ADGB: variants seen among roughly 807,000 people sequenced by gnomAD.
The protein encoded by ADGB is androglobin.
A neutral mutation model predicts 210.5 loss-of-function variants in ADGB; 172 were observed. The ratio of observed to expected loss-of-function variants is 0.82; its 90% CI spans 0.72 to 0.93. The LOEUF is 0.93. ADGB is among the 40% of genes least tolerant of loss of function. ADGB has a pLI of 0.00. For synonymous variants in ADGB, 658 were observed against 662.7 expected (o/e 0.99, Z 0.11); for missense variants, 2,025 against 1,964.8 (o/e 1.03, Z -0.58).
intron 9 of ADGB, among the ~76,000 whole-genome samples, chr6:146,676,952 G>A (rs933153528): frequency 6.6e-6 from 1 of 152,068 alleles, no homozygotes; most frequent in Non-Finnish European, 1.5e-5. Context: ...ATTGTGACTG[G>A]GTGGATGTAC....
chr6:146,738,400 T>C (rs1208334028), intron 23 of ADGB, among the ~76,000 whole-genome samples: 1 of 151,566 alleles, frequency 6.6e-6, no homozygotes, highest in Non-Finnish European at 1.5e-5. Context: ...ATTTATGATT[T>C]AGTCTTAAGA....
rs769214209 is a variant in ADGB, at chr6:146,691,154, C to T, written c.1350C>T (p.Ser450=). 3.2e-6 allele frequency: 5 copies of T among 1,546,490 alleles called. No homozygotes were observed. In the African/African-American group the frequency reaches 6.9e-5, roughly 21 times the overall value. The change falls in exon 11 of 36, where the codon TCC becomes TCT. Residue 450 remains serine, a synonymous_variant. Transcript: ENST00000397944. The part of the protein sequence containing the change: ...SAEKLREYGL[S]HICSHPVLVT... ...AGAAACTTAGAGAATATGGGCTTTCCCACATCTGTAGCCATCCTGTGCTGG... is the reference window on the plus strand; with the variant it reads ...AGAAACTTAGAGAATATGGGCTTTCTCACATCTGTAGCCATCCTGTGCTGG...
Position 146,741,349 on chromosome 6 carries a change from G to A in ADGB, c.3177+78G>A, listed in dbSNP as rs145287930. The A allele has an allele frequency of 6.6e-5, 90 of 1,366,992 alleles. No individual in the cohort carries two copies. In the East Asian group the frequency reaches 2.3e-3, roughly 35 times the overall value. The allele number at this position is 1,366,992 out of a possible 1,614,324, so 84.7% of individuals were successfully genotyped here. On this transcript the variant is annotated intron_variant, in intron 25 of 35. Coordinates refer to ENST00000397944, the MANE Select transcript of ADGB (RefSeq NM_024694.4). ...CAGCTTGTAGAGGGTCCTGAAGGGA[G>A]GGTAGAGTTGTTTTTAATCTACTTA...
At position 146,724,191 on chromosome 6, in the gene ADGB, A is replaced by G. The variant is rs1169637152; in HGVS notation, c.2101A>G (p.Thr701Ala). Reference protein sequence around the residue: ...LVRWGEYGALTKDSPPIEPGL... With the variant: ...LVRWGEYGALAKDSPPIEPGL... ...CCTTTTTACTTATCTTAAAGCCTTA[A>G]CAAAAGACAGTCCTCCCATAGAGCC... Residue 701 changes from threonine (T) to alanine (A), a missense_variant, in exon 18 of 36, where the codon ACA becomes GCA. Coordinates refer to ENST00000397944, the MANE Select transcript of ADGB (RefSeq NM_024694.4). The G allele has an allele frequency of 1.9e-6, 3 of 1,547,448 alleles. No individual in the cohort carries two copies. The highest frequency in any genetic ancestry group is 2.4e-5 in the East Asian group (1 of 40,822).
At chr6:146,716,193 C>G (rs185467290) in intron 14 of ADGB, among the ~76,000 whole-genome samples, 13 of 152,170 alleles carry the variant, frequency 8.5e-5, no homozygotes, top group Admixed American at 5.9e-4. Flanking sequence ...TTTTCATTTC[C>G]CTTTCTGTTG....
At position 146,646,457 on chromosome 6, in the gene ADGB, T is replaced by C. The variant is rs575843745; in HGVS notation, c.330+1592T>C. Among the ~76,000 whole-genome samples, 18 of 152,152 alleles carry C rather than the reference T, an allele frequency of 1.2e-4. No individual in the cohort carries two copies. In the South Asian group the frequency reaches 1.2e-3, roughly 11 times the overall value. On this transcript the variant is annotated intron_variant, in intron 3 of 35. Transcript: ENST00000397944. The stretch of plus-strand genomic sequence containing the variant: ...GTAATATAAGAGCCCCAAACTAAAG[T>C]CAAAAAGCAAGGTTACAAAACTGAC...
At chr6:146,650,306 A>G (rs1422327646) in intron 3 of ADGB, among the ~76,000 whole-genome samples, 2 of 152,300 alleles carry the variant, frequency 1.3e-5, no homozygotes, top group African/African-American at 2.4e-5. Context: ...CCTTGAAATC[A>G]TAAGTTTTAT....
At chr6:146,760,794 T>C (rs1035626117) in intron 27 of ADGB, among the ~76,000 whole-genome samples, 7 of 151,976 alleles carry the variant, frequency 4.6e-5, no homozygotes, top group African/African-American at 4.8e-5. Context: ...TCCATCATTC[T>C]AGCTTATATA....
chr6:146,766,064 GT>G (rs1777569121), intron 28 of ADGB, among the ~76,000 whole-genome samples: 1 of 151,956 alleles, frequency 6.6e-6, no homozygotes, highest in African/African-American at 2.4e-5. Context: ...CAGACAATGG[GT>G]TAAAAAAATA....
intron 30 of ADGB, among the ~76,000 whole-genome samples, chr6:146,783,502 T>C (rs1053107628): frequency 1.3e-5 from 2 of 152,200 alleles, no homozygotes; most frequent in Admixed American, 6.5e-5. Flanking sequence ...AAGTCTCTGA[T>C]AAATTCATGT....
intron 8 of ADGB, among the ~76,000 whole-genome samples, chr6:146,674,532 C>T (rs1217448651): frequency 6.6e-6 from 1 of 152,090 alleles, no homozygotes; most frequent in African/African-American, 2.4e-5. Flanking sequence ...AGAGTGGATA[C>T]AGGTGTAGGT....
At chr6:146,626,695 A>T (rs1049094662) in intron 1 of ADGB, among the ~76,000 whole-genome samples, 2 of 150,954 alleles carry the variant, frequency 1.3e-5, no homozygotes, top group Admixed American at 6.6e-5. Context: ...TGCTTTTAAA[A>T]TTTTTTTACC....
At chr6:146,674,088 A>G (rs543655820) in intron 8 of ADGB, among the ~76,000 whole-genome samples, 3 of 152,334 alleles carry the variant, frequency 2.0e-5, no homozygotes, top group African/African-American at 7.2e-5. Flanking sequence ...CAGAGATTGT[A>G]TTAAATATTG....
intron 20 of ADGB, among the ~76,000 whole-genome samples, chr6:146,729,267 C>T (rs1396738897): frequency 2.0e-5 from 3 of 152,194 alleles, no homozygotes; most frequent in Non-Finnish European, 4.4e-5. Context: ...GGGCTTAGGT[C>T]TGGCTTTTTA....
At chr6:146,622,674 C>A (rs536914768) in intron 1 of ADGB, among the ~76,000 whole-genome samples, 17 of 152,064 alleles carry the variant, frequency 1.1e-4, no homozygotes, top group East Asian at 3.9e-4. Flanking sequence ...CAGTTTGTGG[C>A]AGTCTTTTTA....
At chr6:146,724,057 C>T (rs1200537160) in intron 17 of ADGB, 129 bp from the exon 18 acceptor site, 1 of 760,094 alleles carries the variant, frequency 1.3e-6, no homozygotes, top group East Asian at 3.2e-5. Context: ...GTTTTATGAA[C>T]ATTTTAGTAA....
intron 35 of ADGB, among the ~76,000 whole-genome samples, chr6:146,814,777 A>G (rs369965310): frequency 3.3e-5 from 5 of 152,010 alleles, no homozygotes; most frequent in South Asian, 4.2e-4. Flanking sequence ...ACCTTTGGGG[A>G]AAAAAAAGTA....
intron 11 of ADGB, among the ~76,000 whole-genome samples, chr6:146,692,375 T>G (rs1484235408): frequency 2.0e-5 from 3 of 152,186 alleles, no homozygotes; most frequent in Non-Finnish European, 2.9e-5. Flanking sequence ...TACCTCATGA[T>G]CATTACTTTG....
chr6:146,752,654 G>A lies in ADGB; in HGVS notation c.3490G>A (p.Gly1164Ser). Residue 1164 changes from glycine (G) to serine (S), a missense_variant, in exon 27 of 36, where the codon GGC becomes AGC. By Grantham distance (56) the Gly-to-Ser change is moderately conservative. Transcript: ENST00000397944. ...AACTATGGTGAGCTCCACTGGAAAA[G>A]GCCAAGCTATAATCCCAGCATTTCA... ...EETMVSSTGK[G>S]QAIIPAFHFL... 6.4e-6 allele frequency: 10 copies of A among 1,550,874 alleles called. No homozygotes were observed. The highest frequency in any genetic ancestry group is 8.7e-6 in the Non-Finnish European group (10 of 1,146,444).
Sources: gnomAD v4.1 joint callset for allele counts (sites outside exome capture counted in the v4.1 genomes callset) on GRCh38, gnomAD v4.1.1 for gene constraint, MANE v1.5 for transcripts, NCBI Gene and HGNC (gene_info 2026-07-23, HGNC 2026-07-21) for gene names.